The following PTPRG variants were observed in gnomAD, a reference collection of about 807,000 sequenced individuals.
The protein encoded by PTPRG is protein tyrosine phosphatase receptor type G, also known as receptor-type tyrosine-protein phosphatase gamma.
Under a neutral mutation model 165.3 loss-of-function variants are expected in PTPRG, and 102 were observed. That is an observed-to-expected ratio of 0.62 (90% CI 0.53 to 0.73). PTPRG has a LOEUF of 0.73. Among genes scored for constraint, PTPRG ranks in the 30% least tolerant of loss-of-function variants. PTPRG has a pLI of 0.00. For synonymous variants in PTPRG, 675 were observed against 669.5 expected (o/e 1.01, Z -0.13); for missense variants, 1,866 against 1,861.4 (o/e 1.00, Z -0.05).
intron 2 of PTPRG, among the ~76,000 whole-genome samples, chr3:61,949,709 T>C (rs2039850957): frequency 6.6e-6 from 1 of 150,768 alleles, no homozygotes; most frequent in Non-Finnish European, 1.5e-5. Context: ...TGTTTTGTTT[T>C]TAAAGCCTTT....
chr3:61,765,046 A>G (rs1383010632), intron 2 of PTPRG, among the ~76,000 whole-genome samples: 2 of 152,212 alleles, frequency 1.3e-5, no homozygotes, highest in Non-Finnish European at 2.9e-5. Context: ...ACCAGAATCC[A>G]TCGTTTTTAC....
intron 5 of PTPRG, among the ~76,000 whole-genome samples, chr3:62,104,293 A>C (rs538121565): frequency 6.6e-6 from 1 of 152,210 alleles, no homozygotes; most frequent in Non-Finnish European, 1.5e-5. Context: ...CTGGCCTTCC[A>C]TCTCATACTC....
chr3:61,782,839 GT>G (rs1333401617), intron 2 of PTPRG, among the ~76,000 whole-genome samples: 2 of 152,102 alleles, frequency 1.3e-5, no homozygotes, highest in Non-Finnish European at 1.5e-5. Flanking sequence ...GTCTCATTCT[GT>G]TGCCCAGGTT....
At chr3:61,795,249 A>G (rs181331276) in intron 2 of PTPRG, among the ~76,000 whole-genome samples, 35 of 152,222 alleles carry the variant, frequency 2.3e-4, no homozygotes, top group African/African-American at 8.2e-4. Context: ...TGACCACTGT[A>G]TTGCATTTCT....
intron 5 of PTPRG, among the ~76,000 whole-genome samples, chr3:62,108,394 A>G (rs1342756894): frequency 3.9e-5 from 6 of 152,198 alleles, no homozygotes; most frequent in Non-Finnish European, 1.5e-5. Flanking sequence ...TAATGGCTGC[A>G]TAGTATTCCA....
chr3:61,968,699 A>G (rs1904347), intron 2 of PTPRG, among the ~76,000 whole-genome samples: 36,640 of 152,024 alleles, frequency 0.24, 5,043 homozygotes, highest in African/African-American at 0.37. Context: ...ACTTTGGCCT[A>G]TTCATTTAAG....
intron 2 of PTPRG, among the ~76,000 whole-genome samples, chr3:61,831,688 C>G (rs942944433): frequency 6.6e-6 from 1 of 152,098 alleles, no homozygotes; most frequent in African/African-American, 2.4e-5. Context: ...TAGGAAAATG[C>G]CAATGACCAT....
At chr3:61,708,244 G>C (rs1374636089) in intron 1 of PTPRG, among the ~76,000 whole-genome samples, 1 of 151,994 alleles carries the variant, frequency 6.6e-6, no homozygotes, top group East Asian at 1.9e-4. Flanking sequence ...CACTATGTCA[G>C]GGCAACTTTG....
rs1699941753 is a variant in PTPRG at position 62,195,624 on chromosome 3, C to T, written c.1327+454C>T. ...CAAACAAGCGCCTGCATGCAGGATC[C>T]TTGAGATTCCTGGATCTAGATAGAT... On this transcript the variant is annotated intron_variant, in intron 10 of 29. Transcript: ENST00000474889. This position sits in a 1 kb window ranked among gnomAD's most constrained non-coding sequence, Gnocchi z 4.4. Among the ~76,000 whole-genome samples the T allele has an allele frequency of 6.6e-6, 1 of 152,086 alleles. No individual in the cohort carries two copies. The highest frequency in any genetic ancestry group is 6.5e-5 in the Admixed American group (1 of 15,272).
At chr3:61,980,494 G>T (rs2040614930) in intron 2 of PTPRG, among the ~76,000 whole-genome samples, 1 of 152,158 alleles carries the variant, frequency 6.6e-6, no homozygotes, top group African/African-American at 2.4e-5. Context: ...GAAGAAAGAG[G>T]GAGAAGGAGG....
intron 14 of PTPRG, among the ~76,000 whole-genome samples, chr3:62,234,935 T>A (rs921666183): frequency 2.1e-5 from 3 of 145,810 alleles, no homozygotes; most frequent in Non-Finnish European, 4.6e-5. Flanking sequence ...CTGAATCTAC[T>A]TCCCCCCCCC....
At chr3:62,174,135 C>T (rs545637679) in intron 8 of PTPRG, among the ~76,000 whole-genome samples, 38 of 152,260 alleles carry the variant, frequency 2.5e-4, no homozygotes, top group Non-Finnish European at 5.3e-4. Context: ...CAGCATATCC[C>T]GGGTACATGG....
intron 2 of PTPRG, among the ~76,000 whole-genome samples, chr3:61,826,118 A>G (rs2036102494): frequency 6.6e-6 from 1 of 152,214 alleles, no homozygotes; most frequent in South Asian, 2.1e-4. Context: ...GATAAAATAC[A>G]TATCTTAAGT....
intron 1 of PTPRG, among the ~76,000 whole-genome samples, chr3:61,675,149 A>G (rs559571146): frequency 3.3e-5 from 5 of 152,226 alleles, no homozygotes; most frequent in Non-Finnish European, 5.9e-5. Flanking sequence ...AAATTGGCAT[A>G]TGATGTATAG....
chr3:62,282,205 T>C (rs998482186), intron 27 of PTPRG, among the ~76,000 whole-genome samples: 3 of 152,098 alleles, frequency 2.0e-5, no homozygotes, highest in South Asian at 2.1e-4. Context: ...CTTGAAATTT[T>C]TGACTAAGCC....
intron 1 of PTPRG, among the ~76,000 whole-genome samples, chr3:61,625,383 G>A (rs926947866): frequency 1.3e-5 from 2 of 151,992 alleles, no homozygotes; most frequent in Non-Finnish European, 2.9e-5. Flanking sequence ...TTGTCCTGTT[G>A]TATAAATGAC....
chr3:62,123,941 T>C (rs1444727267), intron 5 of PTPRG, among the ~76,000 whole-genome samples: 1 of 152,144 alleles, frequency 6.6e-6, no homozygotes, highest in Non-Finnish European at 1.5e-5. Flanking sequence ...ATGGTGGGAA[T>C]AGTATATGAA....
Position 62,203,724 on chromosome 3 carries a change from G to T in PTPRG, c.1929G>T (p.Gly643=). Residue 643 remains glycine, a synonymous_variant, in exon 12 of 30, where the codon GGG becomes GGT. Coordinates refer to ENST00000474889, the MANE Select transcript of PTPRG (RefSeq NM_002841.4). The surrounding 1 kb of genome is among the most constrained non-coding windows in gnomAD (Gnocchi z 6.4). ...TAEGGHQTIP[G]HEQDHTAVPT... Reference sequence around the variant, plus strand: ...AGGGAGGGCATCAGACTATACCTGGGCATGAGCAGGATCACACTGCCGTCC... The same window carrying T: ...AGGGAGGGCATCAGACTATACCTGGTCATGAGCAGGATCACACTGCCGTCC... The T allele has an allele frequency of 1.3e-6, 2 of 1,591,162 alleles. No individual in the cohort carries two copies. Among genetic ancestry groups the T allele is most frequent in the Non-Finnish European group, 1.7e-6 (2 of 1,168,242 alleles).
chr3:62,134,362 T>C (rs1703628978), intron 6 of PTPRG, among the ~76,000 whole-genome samples: 1 of 152,214 alleles, frequency 6.6e-6, no homozygotes, highest in Admixed American at 6.5e-5. Flanking sequence ...GGAACACTGA[T>C]TAAGACACAC....
Sources: gnomAD v4.1 joint callset for allele counts (sites outside exome capture counted in the v4.1 genomes callset) on GRCh38, gnomAD v4.1.1 for gene constraint, Gnocchi (gnomAD v3.1) non-coding constraint, MANE v1.5 for transcripts, NCBI Gene and HGNC (gene_info 2026-07-23, HGNC 2026-07-21) for gene names.